C8orf34: variants seen among roughly 807,000 people sequenced by gnomAD.
The protein encoded by C8orf34 is chromosome 8 open reading frame 34.
Under a neutral mutation model 68.3 loss-of-function variants are expected in C8orf34, and 65 were observed. The ratio of observed to expected loss-of-function variants is 0.95; its 90% CI spans 0.78 to 1.17. The LOEUF (loss-of-function observed/expected upper bound fraction) is 1.17, where lower values mean the gene tolerates loss of function less well. Ranked by LOEUF, C8orf34 falls within the 50% of genes most tolerant of loss-of-function variation. The pLI is 0.00. For synonymous variants in C8orf34, 244 were observed against 241.2 expected (o/e 1.01, Z -0.11); for missense variants, 664 against 655.4 (o/e 1.01, Z -0.14).
chr8:68,502,698 C>T (rs756447924), intron 5 of C8orf34, among the ~76,000 whole-genome samples: 37 of 152,044 alleles, frequency 2.4e-4, no homozygotes, highest in African/African-American at 7.3e-4. Flanking sequence ...TTTCTCTTTA[C>T]GGAAGTATTC....
At chr8:68,531,552 A>T (rs1050376334) in intron 6 of C8orf34, among the ~76,000 whole-genome samples, 1 of 152,130 alleles carries the variant, frequency 6.6e-6, no homozygotes, top group African/African-American at 2.4e-5. Flanking sequence ...TTATTATATC[A>T]TATTAGGAAG....
intron 11 of C8orf34, among the ~76,000 whole-genome samples, chr8:68,782,136 A>G (rs1036477162): frequency 6.6e-6 from 1 of 152,092 alleles, no homozygotes; most frequent in Non-Finnish European, 1.5e-5. Context: ...CCGCAATTTC[A>G]TTTTCCCTTA....
At chr8:68,717,426 G>A (rs1007093750) in intron 9 of C8orf34, among the ~76,000 whole-genome samples, 6 of 151,600 alleles carry the variant, frequency 4.0e-5, no homozygotes, top group African/African-American at 4.8e-5. Flanking sequence ...CCGGAAGGAG[G>A]AGCTTGCAGT....
intron 3 of C8orf34, among the ~76,000 whole-genome samples, chr8:68,462,470 C>A (rs1219529884): frequency 6.6e-6 from 1 of 151,302 alleles, no homozygotes; most frequent in East Asian, 1.9e-4. Flanking sequence ...CTCTCCACCC[C>A]AAATCAACAG....
At chr8:68,701,470 T>C (rs1821014034) in intron 8 of C8orf34, among the ~76,000 whole-genome samples, 1 of 152,202 alleles carries the variant, frequency 6.6e-6, no homozygotes, top group East Asian at 1.9e-4. Flanking sequence ...TTTTGCTAAA[T>C]GACAACAGGA....
intron 5 of C8orf34, among the ~76,000 whole-genome samples, chr8:68,515,741 G>A (rs1271853922): frequency 6.6e-6 from 1 of 152,110 alleles, no homozygotes; most frequent in Non-Finnish European, 1.5e-5. Flanking sequence ...AAAGTTTTTG[G>A]GAAGAATGTA....
intron 1 of C8orf34, among the ~76,000 whole-genome samples, chr8:68,336,403 T>C (rs1179774072): frequency 6.6e-6 from 1 of 152,052 alleles, no homozygotes; most frequent in East Asian, 1.9e-4. Context: ...CAGAAAATAA[T>C]TAAATATATT....
At chr8:68,738,070 A>G (rs952249692) in intron 10 of C8orf34, among the ~76,000 whole-genome samples, 4 of 152,062 alleles carry the variant, frequency 2.6e-5, no homozygotes, top group Admixed American at 2.6e-4. Flanking sequence ...AATCATAAAA[A>G]CCAGTTTCTT....
intron 10 of C8orf34, among the ~76,000 whole-genome samples, chr8:68,747,156 C>T (rs1822528209): frequency 6.6e-6 from 1 of 152,024 alleles, no homozygotes; most frequent in Non-Finnish European, 1.5e-5. Context: ...TCAATAGATG[C>T]AGAAAAGGCC....
chr8:68,475,902 C>G (rs1255175717), intron 4 of C8orf34, among the ~76,000 whole-genome samples: 1 of 152,140 alleles, frequency 6.6e-6, no homozygotes, highest in Non-Finnish European at 1.5e-5. Flanking sequence ...TATGAAAACA[C>G]TGGCTGGAGC....
At chr8:68,693,055 T>A (rs1820728000) in intron 8 of C8orf34, among the ~76,000 whole-genome samples, 1 of 152,096 alleles carries the variant, frequency 6.6e-6, no homozygotes, top group African/African-American at 2.4e-5. Flanking sequence ...AAAAGAATAA[T>A]GACATGGTTT....
At chr8:68,483,742 T>C (rs1812958814) in intron 4 of C8orf34, among the ~76,000 whole-genome samples, 1 of 152,194 alleles carries the variant, frequency 6.6e-6, no homozygotes, top group Non-Finnish European at 1.5e-5. Context: ...ATAAATTAAA[T>C]GACACAGATG....
At chr8:68,603,567 A>ATCTG (rs60551931) in intron 7 of C8orf34, among the ~76,000 whole-genome samples, 1 of 107,766 alleles carries the variant, frequency 9.3e-6, no homozygotes, top group African/African-American at 5.7e-5. Context: ...CTATCTATCT[A>ATCTG]TCTATCTTTG....
chr8:68,509,536 T>C (rs1814170172), intron 5 of C8orf34, among the ~76,000 whole-genome samples: 1 of 29,136 alleles, frequency 3.4e-5, no homozygotes. Flanking sequence ...GTTTGGAGGA[T>C]GCACTGAGGT....
intron 8 of C8orf34, among the ~76,000 whole-genome samples, chr8:68,668,711 C>A (rs1308118650): frequency 6.6e-6 from 1 of 152,080 alleles, no homozygotes; most frequent in Non-Finnish European, 1.5e-5. Flanking sequence ...AATCTATGAG[C>A]CTTTACAAAT....
At chr8:68,377,452 G>T (rs912305832) in intron 1 of C8orf34, among the ~76,000 whole-genome samples, 5 of 151,854 alleles carry the variant, frequency 3.3e-5, no homozygotes, top group Non-Finnish European at 7.4e-5. Context: ...AGAGGAGGAG[G>T]GGGAGGAGGA....
chr8:68,548,898 A>T (rs1045331631), intron 7 of C8orf34, among the ~76,000 whole-genome samples: 4 of 151,842 alleles, frequency 2.6e-5, no homozygotes, highest in African/African-American at 9.7e-5. Flanking sequence ...GCTATTGACT[A>T]AATTTTGTCC....
chr8:68,794,505 A>ATATTTT (rs1313909362), intron 12 of C8orf34, among the ~76,000 whole-genome samples: 7 of 62,238 alleles, frequency 1.1e-4, no homozygotes, highest in African/African-American at 6.1e-4. Flanking sequence ...ATATATATAT[A>ATATTTT]TTTTTTTTTT....
chr8:68,473,794 C>T (rs1401269651), intron 4 of C8orf34, among the ~76,000 whole-genome samples: 1 of 152,144 alleles, frequency 6.6e-6, no homozygotes, highest in Non-Finnish European at 1.5e-5. Flanking sequence ...AAACTTATCT[C>T]ACACTGGTCA....
Sources: allele counts gnomAD v4.1 joint callset (sites outside exome capture counted in the v4.1 genomes callset), GRCh38; gene constraint gnomAD v4.1.1; transcripts MANE v1.5; gene names NCBI Gene and HGNC (gene_info 2026-07-23, HGNC 2026-07-21).